ANO3: variants seen among roughly 807,000 people sequenced by gnomAD.
The protein encoded by ANO3 is anoctamin-3.
Under a neutral mutation model 144.8 loss-of-function variants are expected in ANO3, and 99 were observed. That is an observed-to-expected ratio of 0.68 (90% confidence interval 0.58 to 0.81). ANO3 has a LOEUF of 0.81. Ranked by LOEUF, ANO3 falls within the 30% of genes least tolerant of loss-of-function variation. The pLI, the probability that ANO3 is intolerant of heterozygous loss-of-function variation, is 0.00. For synonymous variants in ANO3, 414 were observed against 392.6 expected (o/e 1.05, Z -0.64); for missense variants, 905 against 1,202.2 (o/e 0.75, Z 3.66).
At chr11:26,397,236 A>G (rs554117018) in intron 1 of ANO3, among the ~76,000 whole-genome samples, 1 of 152,222 alleles carries the variant, frequency 6.6e-6, no homozygotes, top group South Asian at 2.1e-4. Context: ...TTTGAACCTC[A>G]GTGTTCTCAG....
intron 17 of ANO3, among the ~76,000 whole-genome samples, chr11:26,602,318 G>T (rs1452429233): frequency 6.6e-6 from 1 of 152,110 alleles, no homozygotes; most frequent in Non-Finnish European, 1.5e-5. Context: ...GTATGGATAT[G>T]ATGTTGTTTT....
intron 1 of ANO3, among the ~76,000 whole-genome samples, chr11:26,396,457 G>A (rs1161920386): frequency 6.6e-6 from 1 of 152,092 alleles, no homozygotes; most frequent in African/African-American, 2.4e-5. Flanking sequence ...TATACATAAA[G>A]GGTTATAAAT....
intron 14 of ANO3, among the ~76,000 whole-genome samples, chr11:26,590,723 C>A (rs1188748665): frequency 6.6e-6 from 1 of 152,222 alleles, no homozygotes; most frequent in Non-Finnish European, 1.5e-5. Context: ...TAGCTGGATC[C>A]AGAGCGGCAA....
chr11:26,190,312 A>T (rs1851450829), intron 1 of ANO3, among the ~76,000 whole-genome samples: 1 of 152,074 alleles, frequency 6.6e-6, no homozygotes, highest in South Asian at 2.1e-4. Flanking sequence ...TTGCTCATAG[A>T]TTATTATGTA....
At chr11:26,493,734 C>G (rs1860808985) in intron 4 of ANO3, among the ~76,000 whole-genome samples, 1 of 152,156 alleles carries the variant, frequency 6.6e-6, no homozygotes, top group African/African-American at 2.4e-5. Context: ...AAAATTAATG[C>G]AGCTTCTAAC....
At chr11:26,234,581 A>G (rs992098404) in intron 1 of ANO3, among the ~76,000 whole-genome samples, 2 of 152,214 alleles carry the variant, frequency 1.3e-5, no homozygotes, top group African/African-American at 2.4e-5. Context: ...GGTACAGACT[A>G]AAATAGTGAG....
chr11:26,364,699 T>C (rs775054864), intron 1 of ANO3, among the ~76,000 whole-genome samples: 18 of 152,196 alleles, frequency 1.2e-4, no homozygotes, highest in Non-Finnish European at 2.4e-4. Flanking sequence ...ATCATGAAAA[T>C]AGCACCAAGG....
intron 17 of ANO3, among the ~76,000 whole-genome samples, chr11:26,611,463 T>G (rs1288204697): frequency 6.6e-6 from 1 of 152,178 alleles, no homozygotes; most frequent in Admixed American, 6.5e-5. Flanking sequence ...TATTGTGGTC[T>G]AAAAGGATAC....
At chr11:26,285,054 C>A (rs1590233930) in intron 1 of ANO3, among the ~76,000 whole-genome samples, 1 of 152,030 alleles carries the variant, frequency 6.6e-6, no homozygotes, top group East Asian at 1.9e-4. Context: ...TCAGAATTTC[C>A]ACTAGGGGGA....
At chr11:26,390,906 C>T (rs1372775303) in intron 1 of ANO3, among the ~76,000 whole-genome samples, 1 of 152,020 alleles carries the variant, frequency 6.6e-6, no homozygotes, top group Admixed American at 6.6e-5. Context: ...ATCTTTATGA[C>T]CTCCTCCAAG....
chr11:26,353,663 G>A (rs1205570829), intron 1 of ANO3, among the ~76,000 whole-genome samples: 1 of 152,136 alleles, frequency 6.6e-6, no homozygotes, highest in African/African-American at 2.4e-5. Context: ...CCGACTGCCT[G>A]GTACAACTGC....
Position 26,358,118 on chromosome 11 carries a change from G to A in ANO3, c.46+25797G>A, listed in dbSNP as rs114067283. On this transcript the variant is annotated intron_variant, in intron 1 of 26. Coordinates refer to ENST00000256737, the MANE Select transcript of ANO3 (RefSeq NM_031418.4). ...AATACTTCAAATTTGTTATTTTAAT[G>A]TCTTTTTAGCTATTCTGTGTTTTTT... Among the ~76,000 whole-genome samples, 631 of 147,520 alleles carry A rather than the reference G, an allele frequency of 4.3e-3. 4 individuals carry two copies. The highest frequency in any genetic ancestry group is 0.015 in the African/African-American group (605 of 40,064).
At chr11:26,610,629 A>G (rs1852072780) in intron 17 of ANO3, among the ~76,000 whole-genome samples, 1 of 151,568 alleles carries the variant, frequency 6.6e-6, no homozygotes. Context: ...TTTCCCCTAC[A>G]TTTTCTTTTA....
At chr11:26,475,704 T>C (rs1357888045) in intron 4 of ANO3, among the ~76,000 whole-genome samples, 1 of 152,022 alleles carries the variant, frequency 6.6e-6, no homozygotes, top group Admixed American at 6.6e-5. Flanking sequence ...TGTATGTCTA[T>C]CATAAAAGTA....
At chr11:26,410,155 G>GTA (rs1322118774) in intron 1 of ANO3, among the ~76,000 whole-genome samples, 3 of 151,946 alleles carry the variant, frequency 2.0e-5, no homozygotes, top group Non-Finnish European at 4.4e-5. Context: ...TGTCTATACA[G>GTA]TATATATATC....
At chr11:26,593,899 A>G (rs1851529030) in intron 14 of ANO3, among the ~76,000 whole-genome samples, 1 of 152,002 alleles carries the variant, frequency 6.6e-6, no homozygotes, top group Admixed American at 6.6e-5. Context: ...CCTGATCTCT[A>G]TTATAAAAAA....
rs187377218 is a variant in ANO3 at position 26,370,991 on chromosome 11, T to G, written c.46+38670T>G. On this transcript the variant is annotated intron_variant, in intron 1 of 26. Coordinates refer to ENST00000256737, the MANE Select transcript of ANO3 (RefSeq NM_031418.4). Reference sequence around the variant, plus strand: ...TTCAAGCCTGCTTCAGCAATTTGTGTAAGTAATGAGGAGTCGAATGTGAAT... The same window carrying G: ...TTCAAGCCTGCTTCAGCAATTTGTGGAAGTAATGAGGAGTCGAATGTGAAT... Among the ~76,000 whole-genome samples, 641 of 152,304 alleles carry G rather than the reference T, an allele frequency of 4.2e-3. 2 individuals are homozygous for G. The highest frequency in any genetic ancestry group is 7.0e-3 in the Non-Finnish European group (478 of 68,026).
chr11:26,208,983 G>T (rs915792015), intron 1 of ANO3, among the ~76,000 whole-genome samples: 15 of 152,044 alleles, frequency 9.9e-5, no homozygotes, highest in African/African-American at 3.4e-4. Flanking sequence ...AACATAAGAA[G>T]AAGTCAAGTT....
In ANO3 at chr11:26,392,462, C is replaced by G. The variant is rs1015612147; in HGVS notation, c.47-49456C>G. Reference sequence around the variant, plus strand: ...GGCTTTGAATTAATATGACCTGTACCTTTTTTTAGATCTGAGGGAACCACT... The same window carrying G: ...GGCTTTGAATTAATATGACCTGTACGTTTTTTTAGATCTGAGGGAACCACT... On this transcript the variant is annotated intron_variant, in intron 1 of 26. Coordinates refer to ENST00000256737, the MANE Select transcript of ANO3 (RefSeq NM_031418.4). 6.1e-4 allele frequency among the ~76,000 whole-genome samples: 92 copies of G among 151,764 alleles called. 1 individual carries two copies. Among genetic ancestry groups the G allele is most frequent in the Non-Finnish European group, 1.0e-4 (7 of 67,902 alleles).
Sources: gnomAD v4.1 joint callset for allele counts (sites outside exome capture counted in the v4.1 genomes callset) on GRCh38, gnomAD v4.1.1 for gene constraint, MANE v1.5 for transcripts, NCBI Gene and HGNC (gene_info 2026-07-23, HGNC 2026-07-21) for gene names.